Variants in PRR12 observed in about 807,000 individuals in gnomAD.
PRR12 encodes the protein proline-rich protein 12.
PRR12 carries 12 observed loss-of-function variants against 138.0 expected under a neutral mutation model. That is an observed-to-expected ratio of 0.09 (90% CI 0.06 to 0.14). The LOEUF (loss-of-function observed/expected upper bound fraction) is 0.14. Ranked by LOEUF, PRR12 falls within the 10% of genes least tolerant of loss-of-function variation. The pLI is 1.00. For missense variants in PRR12, 2,692 were observed against 2,861.3 expected (o/e 0.94, Z 1.35); for synonymous variants, 1,567 against 1,291.7 (o/e 1.21, Z -4.57).
At chr19:49,612,196 C>T (rs754202984) in intron 6 of PRR12, among the ~76,000 whole-genome samples, 2 of 148,956 alleles carry the variant, frequency 1.3e-5, no homozygotes, top group Non-Finnish European at 3.0e-5. Context: ...CGCCACTGCA[C>T]TCCAGCCTGG....
intron 6 of PRR12, among the ~76,000 whole-genome samples, chr19:49,610,700 T>C (rs562592678): frequency 1.5e-3 from 233 of 151,964 alleles, no homozygotes; most frequent in Admixed American, 8.8e-3. Context: ...CGCCACCACG[T>C]CCGTCTAATT....
chr19:49,620,504 G>C lies in PRR12; in HGVS notation c.5623+27G>C, dbSNP rs60006649. Reference sequence around the variant, plus strand: ...TGAGCTGAGGCCTGGGGAGGAGGGGGGGGGGCTGACTCGGTCTGAGGGAGC... The same window carrying C: ...TGAGCTGAGGCCTGGGGAGGAGGGGCGGGGGCTGACTCGGTCTGAGGGAGC... On this transcript the variant is annotated intron_variant, in intron 10 of 13. Coordinates refer to ENST00000418929, the MANE Select transcript of PRR12 (RefSeq NM_020719.3). The C allele has an allele frequency of 3.3e-4, 511 of 1,542,628 alleles. 3 individuals carry two copies. The highest frequency in any genetic ancestry group is 1.8e-3 in the African/African-American group (131 of 72,920).
chr19:49,614,663 G>T lies in PRR12; in HGVS notation c.4890+14G>T. 6.4e-7 allele frequency: 1 copy of T among 1,552,316 alleles called. No individual in the cohort carries two copies. Among genetic ancestry groups the T allele is most frequent in the South Asian group, 1.2e-5 (1 of 84,256 alleles). On this transcript the variant is annotated intron_variant, in intron 7 of 13. Transcript: ENST00000418929. The surrounding 1 kb of genome is among the most constrained non-coding windows in gnomAD (Gnocchi z 5.0). ...GCCACCAGTAATGTAAGCCTGCAAA[G>T]GGGACCAAGGACTTGGGGGCCCCGG...
At position 49,597,194 on chromosome 19, in the gene PRR12, G is replaced by C; in HGVS notation, c.2859G>C (p.Met953Ile). The C allele has an allele frequency of 4.5e-6, 7 of 1,559,164 alleles. No homozygotes were observed. Among genetic ancestry groups the C allele is most frequent in the Non-Finnish European group, 6.1e-6 (7 of 1,151,726 alleles). ...GCTTCTTCCCCACCATGGAGGAGAT[G>C]TTCGGTGGAGGGGCCGCGGACGACT... ...ERSFFPTMEE[M>I]FGGGAADDYG... Residue 953 changes from methionine to isoleucine, a missense_variant, in exon 4 of 14, where the codon ATG becomes ATC. Physicochemically the swap from Met to Ile is conservative, Grantham distance 10 (BLOSUM62 1). Coordinates refer to ENST00000418929, the MANE Select transcript of PRR12 (RefSeq NM_020719.3). The surrounding 1 kb of genome is among the most constrained non-coding windows in gnomAD (Gnocchi z 6.3).
chr19:49,617,735 G>T (rs920677064), intron 9 of PRR12, among the ~76,000 whole-genome samples: 7 of 151,982 alleles, frequency 4.6e-5, no homozygotes, highest in African/African-American at 1.7e-4. Flanking sequence ...TTTTAACAGA[G>T]ATTAGAATTA....
Position 49,599,259 on chromosome 19 carries a change from C to A in PRR12, c.3679-13C>A, listed in dbSNP as rs1004204260. On this transcript the variant is annotated splice_polypyrimidine_tract_variant and intron_variant, in intron 4 of 13. Coordinates refer to ENST00000418929, the MANE Select transcript of PRR12 (RefSeq NM_020719.3). This position sits in a 1 kb window ranked among gnomAD's most constrained non-coding sequence, Gnocchi z 5.0. ...GCTACTGGGCCCTCACGGCCCGCCA[C>A]TCCCATGTCTAGATCAAGCTGTCTG... 6.4e-7 allele frequency: 1 copy of A among 1,556,366 alleles called. No homozygotes were observed. The highest frequency in any genetic ancestry group is 1.9e-5 in the Admixed American group (1 of 52,242).
At position 49,597,211 on chromosome 19, in the gene PRR12, C is replaced by G. The variant is rs371098369; in HGVS notation, c.2876C>G (p.Ala959Gly). The G allele has an allele frequency of 7.7e-6, 12 of 1,565,456 alleles. No individual in the cohort carries two copies. The African/African-American group carries it at 8.1e-5, about 11-fold the overall frequency. The change falls in exon 4 of 14, where the codon GCG (alanine) becomes GGG (glycine). Residue 959 changes from alanine to glycine, a missense_variant. Physicochemically the swap from Ala to Gly is moderately conservative, Grantham distance 60. Around this residue, in one of 11 missense-constraint regions of PRR12, gnomAD observed 840 missense variants for 689.8 expected, o/e 1.22. Coordinates refer to ENST00000418929, the MANE Select transcript of PRR12 (RefSeq NM_020719.3). This position sits in a 1 kb window ranked among gnomAD's most constrained non-coding sequence, Gnocchi z 6.3. ...TMEEMFGGGA[A>G]DDYGKAGPPE... ...GAGGAGATGTTCGGTGGAGGGGCCGCGGACGACTACGGCAAGGCCGGGCCA... is the reference window on the plus strand; with the variant it reads ...GAGGAGATGTTCGGTGGAGGGGCCGGGGACGACTACGGCAAGGCCGGGCCA...
chr19:49,612,641 A>G (rs1277944568), intron 6 of PRR12, among the ~76,000 whole-genome samples: 4 of 151,996 alleles, frequency 2.6e-5, no homozygotes, highest in Non-Finnish European at 5.9e-5. Flanking sequence ...TGGGCTGACA[A>G]GATGCTCCAA....
In PRR12 at chr19:49,596,805, C is replaced by T. The variant is rs751841239; in HGVS notation, c.2470C>T (p.Leu824Phe). The stretch of plus-strand genomic sequence containing the variant: ...CGCCTCCAAAGTCGGCGTCCACCTC[C>T]TTGAGCCAGCCACCCGCGATGGGGC... Reference protein sequence around the residue: ...PSASKVGVHLLEPATRDGAPQ... With the variant: ...PSASKVGVHLFEPATRDGAPQ... Residue 824 changes from leucine (L) to phenylalanine (F), a missense_variant, in exon 4 of 14, where the codon CTT (leucine) becomes TTT (phenylalanine). Leu to Phe is a conservative substitution (Grantham distance 22, BLOSUM62 0). Transcript: ENST00000418929. This position sits in a 1 kb window ranked among gnomAD's most constrained non-coding sequence, Gnocchi z 5.6. 98 of 1,600,184 alleles carry T rather than the reference C, an allele frequency of 6.1e-5. No homozygotes were observed. Among genetic ancestry groups the T allele is most frequent in the Non-Finnish European group, 7.8e-5 (92 of 1,179,198 alleles).
At position 49,591,753 on chromosome 19, in the gene PRR12, G is replaced by A. The variant is rs1401473247; in HGVS notation, c.86+13G>A. 1.4e-6 allele frequency: 2 copies of A among 1,454,796 alleles called. No homozygotes were observed. Among genetic ancestry groups the A allele is most frequent in the South Asian group, 1.4e-5 (1 of 73,924 alleles). 90.1% of individuals were successfully genotyped at this position (1,454,796 alleles called of 1,614,324 possible). A position where few individuals can be genotyped will look rare whatever the true frequency, so the allele number is the denominator to read the frequency against. On this transcript the variant is annotated intron_variant, in intron 1 of 13. Coordinates refer to ENST00000418929, the MANE Select transcript of PRR12 (RefSeq NM_020719.3). ...CAGCGAAAGCTAGGTAAGGAGCTGA[G>A]GGTGGCCTAGAGAAGGGGGCCAAGG...
chr19:49,601,780 C>T lies in PRR12; in HGVS notation c.4635C>T (p.Pro1545=). 6.2e-7 allele frequency: 1 copy of T among 1,606,602 alleles called. No homozygotes were observed. The highest frequency in any genetic ancestry group is 8.5e-7 in the Non-Finnish European group (1 of 1,177,970). Residue 1545 remains proline (P), a synonymous_variant, in exon 6 of 14, where the codon CCC becomes CCT. Transcript: ENST00000418929. ...PEDPELPDTR[P]LHLAKKQETA... ...ACCCCGAGCTGCCGGACACCCGGCC[C>T]CTGCATCTGGCCAAAAAGCAGGAGA... is the stretch of plus-strand genomic sequence containing the variant.
intron 5 of PRR12, among the ~76,000 whole-genome samples, chr19:49,600,233 C>A (rs2080802577): frequency 6.6e-6 from 1 of 151,480 alleles, no homozygotes. Context: ...TACTCAGGTT[C>A]TGAATGGTGG....
In PRR12 at chr19:49,596,592, G is replaced by T. The variant is rs774901947; in HGVS notation, c.2257G>T (p.Ala753Ser). 6.3e-7 allele frequency: 1 copy of T among 1,594,698 alleles called. No individual in the cohort carries two copies. The highest frequency in any genetic ancestry group is 8.5e-7 in the Non-Finnish European group (1 of 1,171,320). ...ATSVVHYGAGAKELGAFLQKS... is the reference protein window; with the variant it reads ...ATSVVHYGAGSKELGAFLQKS... ...CTCTGTTGTCCACTACGGGGCAGGC[G>T]CCAAGGAGCTGGGGGCCTTCTTGCA... The change falls in exon 4 of 14, where the codon GCC becomes TCC. Residue 753 changes from alanine (A) to serine (S), a missense_variant. Coordinates refer to ENST00000418929, the MANE Select transcript of PRR12 (RefSeq NM_020719.3). The surrounding 1 kb of genome is among the most constrained non-coding windows in gnomAD (Gnocchi z 5.6).
In PRR12 at chr19:49,625,517, G is replaced by A; in HGVS notation, c.6021G>A (p.Gln2007=). 1 of 1,611,826 alleles carries A rather than the reference G, an allele frequency of 6.2e-7. No individual in the cohort carries two copies. The highest frequency in any genetic ancestry group is 8.5e-7 in the Non-Finnish European group (1 of 1,179,174). The change falls in exon 14 of 14, where the codon CAG becomes CAA. Residue 2007 remains glutamine (Q), a synonymous_variant. Coordinates refer to ENST00000418929, the MANE Select transcript of PRR12 (RefSeq NM_020719.3). This position sits in a 1 kb window ranked among gnomAD's most constrained non-coding sequence, Gnocchi z 5.5. Reference sequence around the variant, plus strand: ...TGGGCCAGGAGGAGGTGGTCCAGCAGTGCATGCGGAACCAGCCGTGGCTGG... The same window carrying A: ...TGGGCCAGGAGGAGGTGGTCCAGCAATGCATGCGGAACCAGCCGTGGCTGG... ...EDLGQEEVVQ[Q]CMRNQPWLEQ...
intron 9 of PRR12, among the ~76,000 whole-genome samples, chr19:49,620,112 G>C (rs1368447943): frequency 6.6e-6 from 1 of 152,090 alleles, no homozygotes; most frequent in African/African-American, 2.4e-5. Flanking sequence ...GCCTCCCAAA[G>C]TGCTGGGATG....
intron 6 of PRR12, among the ~76,000 whole-genome samples, chr19:49,611,191 C>T (rs1013360208): frequency 6.6e-5 from 10 of 152,110 alleles, no homozygotes; most frequent in South Asian, 4.2e-4. Flanking sequence ...GGAGTGGTGG[C>T]GCATACCTGT....
chr19:49,613,007 A>G (rs2080874412), intron 6 of PRR12, among the ~76,000 whole-genome samples: 1 of 151,890 alleles, frequency 6.6e-6, no homozygotes, highest in African/African-American at 2.4e-5. Flanking sequence ...TCTTTTTGGC[A>G]TCCGTCACCT....
chr19:49,614,126 A>G lies in PRR12; in HGVS notation c.4774-407A>G, dbSNP rs1347124665. On this transcript the variant is annotated intron_variant, in intron 6 of 13. Coordinates refer to ENST00000418929, the MANE Select transcript of PRR12 (RefSeq NM_020719.3). This position sits in a 1 kb window ranked among gnomAD's most constrained non-coding sequence, Gnocchi z 5.0. ...CTCCGTCTCAAAAAAAGAAAAAGTA[A>G]AAAGAGAATTATGTGGGGGGACAGT... is the stretch of plus-strand genomic sequence containing the variant. 1.3e-5 allele frequency among the ~76,000 whole-genome samples: 2 copies of G among 152,116 alleles called. No homozygotes were observed. Among genetic ancestry groups the G allele is most frequent in the Non-Finnish European group, 2.9e-5 (2 of 68,018 alleles).
In PRR12 at chr19:49,594,833, G is replaced by C. The variant is rs749313817; in HGVS notation, c.498G>C (p.Ser166=). 6.2e-7 allele frequency: 1 copy of C among 1,611,434 alleles called. No individual in the cohort carries two copies. The highest frequency in any genetic ancestry group is 2.2e-5 in the East Asian group (1 of 44,804). The change falls in exon 4 of 14, where the codon TCG becomes TCC. Residue 166 remains serine (S), a synonymous_variant. Coordinates refer to ENST00000418929, the MANE Select transcript of PRR12 (RefSeq NM_020719.3). The surrounding 1 kb of genome is among the most constrained non-coding windows in gnomAD (Gnocchi z 5.6). The stretch of plus-strand genomic sequence containing the variant: ...GCAGCCGCCCCTTCCCAGTGCCCTC[G>C]TCCCTCAGCCTCCAGGACCCCCCAT... ...SFGSRPFPVP[S]SLSLQDPPFS... is the part of the protein sequence containing the mutation.
Sources: allele counts gnomAD v4.1 joint callset (sites outside exome capture counted in the v4.1 genomes callset), GRCh38; gene constraint gnomAD v4.1.1; regional missense constraint gnomAD v4.1.1; non-coding constraint Gnocchi (gnomAD v3.1); transcripts MANE v1.5; gene names NCBI Gene and HGNC (gene_info 2026-07-23, HGNC 2026-07-21).